ZZZ3: variants seen among roughly 807,000 people sequenced by gnomAD.
The protein encoded by ZZZ3 is zinc finger ZZ-type containing 3.
Under a neutral mutation model 95.2 loss-of-function variants are expected in ZZZ3, and 22 were observed. The observed-to-expected ratio is 0.23, with a 90% CI of 0.17 to 0.33. The LOEUF (loss-of-function observed/expected upper bound fraction) is 0.33, where lower values mean the gene tolerates loss of function less well. Ranked by LOEUF, ZZZ3 falls within the 10% of genes least tolerant of loss-of-function variation. The probability of loss-of-function intolerance (pLI) is 1.00; values close to 1 mark genes in which losing one functional copy is unlikely to be tolerated. For missense variants in ZZZ3, 885 were observed against 1,066.5 expected, an observed-to-expected ratio of 0.83 and a Z score of 2.37; for synonymous variants, 335 against 358.9, an observed-to-expected ratio of 0.93 and a Z score of 0.75.
intron 5 of ZZZ3, among the ~76,000 whole-genome samples, chr1:77,620,874 G>A (rs926160860): frequency 6.6e-6 from 1 of 152,120 alleles, no homozygotes; most frequent in African/African-American, 2.4e-5. Flanking sequence ...TGCAAAGGAA[G>A]AACAAAGCCA....
At chr1:77,613,901 C>A (rs1196572642) in intron 5 of ZZZ3, among the ~76,000 whole-genome samples, 1 of 152,100 alleles carries the variant, frequency 6.6e-6, no homozygotes, top group Admixed American at 6.6e-5. Flanking sequence ...GGCCCTTAGA[C>A]TGAATGCCAC....
Position 77,632,923 on chromosome 1 carries a change from T to C in ZZZ3, c.432A>G (p.Val144=). ...TGTCCACTACTGTACTCCTCTGTTC[T>C]ACTGACTCCTTGTCTGATTTTATAG... ...DSPIKSDKES[V]EQRSTVVDND... is the part of the protein sequence containing the mutation. Residue 144 remains valine, a synonymous_variant, in exon 5 of 15, where the codon GTA becomes GTG. Transcript: ENST00000370801. 2 of 1,614,202 alleles carry C rather than the reference T, an allele frequency of 1.2e-6. No homozygotes were observed. Among genetic ancestry groups the C allele is most frequent in the Non-Finnish European group, 1.7e-6 (2 of 1,180,022 alleles).
chr1:77,682,727 C>T (rs990825767), upstream of ZZZ3: 1 of 152,196 alleles, frequency 6.6e-6, no homozygotes, highest in African/African-American at 2.4e-5. Flanking sequence ...TCCACTAGAC[C>T]CAACATGGCG....
intron 5 of ZZZ3, among the ~76,000 whole-genome samples, chr1:77,589,412 TTTTATTTATTTATTTATTTATTTATTTA>T (rs71244406): frequency 1.9e-4 from 28 of 144,564 alleles, no homozygotes; most frequent in African/African-American, 7.1e-4. Flanking sequence ...TGGAGGTTGA[TTTTATTTATTTATTTATTTATTTATTTA>T]TTTATTTATT....
At chr1:77,586,594 TAAA>T (rs113201262) in intron 5 of ZZZ3, among the ~76,000 whole-genome samples, 3 of 151,698 alleles carry the variant, frequency 2.0e-5, no homozygotes, top group Admixed American at 2.0e-4. Context: ...AAATCTGACT[TAAA>T]AAAAAATTCC....
Position 77,564,381 on chromosome 1 carries a change from G to T in ZZZ3, c.*1259C>A, listed in dbSNP as rs557557863. The T allele has an allele frequency of 1.6e-4, 25 of 151,910 alleles. No individual in the cohort carries two copies. Among genetic ancestry groups the T allele is most frequent in the African/African-American group, 6.0e-4 (25 of 41,406 alleles). 9.4% of individuals were successfully genotyped at this position (151,910 alleles called of 1,614,324 possible). ...AATACATTCCTTATTCTTCATAAAT[G>T]ACAGAAAGAAAACTCTTAAATATGT... On this transcript the variant is annotated 3_prime_UTR_variant, in exon 15 of 15. Transcript: ENST00000370801.
chr1:77,593,383 C>G (rs1044611436), intron 5 of ZZZ3, among the ~76,000 whole-genome samples: 4 of 152,078 alleles, frequency 2.6e-5, no homozygotes, highest in African/African-American at 9.7e-5. Context: ...AAATGGACAT[C>G]TATTTATATA....
chr1:77,622,211 G>A (rs1666942058), intron 5 of ZZZ3, among the ~76,000 whole-genome samples: 1 of 151,822 alleles, frequency 6.6e-6, no homozygotes, highest in Non-Finnish European at 1.5e-5. Context: ...GGCAGCTGAG[G>A]TGGGAGGATT....
chr1:77,589,415 TA>T (rs1663434543), intron 5 of ZZZ3, among the ~76,000 whole-genome samples: 1 of 52,444 alleles, frequency 1.9e-5, no homozygotes, highest in Non-Finnish European at 4.6e-5. Flanking sequence ...AGGTTGATTT[TA>T]TTTATTTATT....
intron 5 of ZZZ3, among the ~76,000 whole-genome samples, chr1:77,608,898 T>C (rs147378621): frequency 8.8e-4 from 134 of 151,820 alleles, no homozygotes; most frequent in African/African-American, 3.1e-3. Context: ...ATATAACACA[T>C]ACACAAAAAA....
chr1:77,584,676 A>C (rs772387746), intron 5 of ZZZ3, 21 bp from the exon 6 acceptor site: 2 of 1,529,182 alleles, frequency 1.3e-6, no homozygotes, highest in Admixed American at 4.6e-5. Context: ...AAAGAAAAAT[A>C]TTTCACAAAA....
chr1:77,570,013 G>C (rs1451256991), intron 12 of ZZZ3, among the ~76,000 whole-genome samples: 1 of 152,130 alleles, frequency 6.6e-6, no homozygotes, highest in Non-Finnish European at 1.5e-5. Flanking sequence ...GCTACATTAG[G>C]TATTAAGTGC....
intron 9 of ZZZ3, 124 bp from the exon 10 acceptor site, chr1:77,579,752 G>C: frequency 1.8e-6 from 1 of 557,562 alleles, no homozygotes; most frequent in East Asian, 3.7e-5. Context: ...TGGGGGTTAC[G>C]TAATTAGAAA....
chr1:77,652,203 A>G (rs148285471), intron 1 of ZZZ3, among the ~76,000 whole-genome samples: 209 of 152,328 alleles, frequency 1.4e-3, no homozygotes, highest in African/African-American at 4.9e-3. Flanking sequence ...ATAGAATGGG[A>G]GAAAATATTT....
At chr1:77,626,400 A>C (rs1667339829) in intron 5 of ZZZ3, among the ~76,000 whole-genome samples, 1 of 151,766 alleles carries the variant, frequency 6.6e-6, no homozygotes, top group African/African-American at 2.4e-5. Flanking sequence ...AATCAGTGGG[A>C]GCCCTAAGCT....
At chr1:77,569,579 C>T (rs1661166859) in intron 12 of ZZZ3, among the ~76,000 whole-genome samples, 1 of 152,096 alleles carries the variant, frequency 6.6e-6, no homozygotes, top group South Asian at 2.1e-4. Flanking sequence ...CACAGATGCC[C>T]AACTCGCTAT....
chr1:77,587,130 C>T (rs544347071), intron 5 of ZZZ3, among the ~76,000 whole-genome samples: 10 of 152,214 alleles, frequency 6.6e-5, no homozygotes, highest in African/African-American at 2.2e-4. Context: ...AGTACAAATA[C>T]GGCTGGATTG....
At chr1:77,571,528 C>A (rs375954876) in intron 12 of ZZZ3, among the ~76,000 whole-genome samples, 1 of 152,120 alleles carries the variant, frequency 6.6e-6, no homozygotes, top group African/African-American at 2.4e-5. Context: ...GTGGAAGCAA[C>A]CCAAGTATCC....
intron 5 of ZZZ3, among the ~76,000 whole-genome samples, chr1:77,604,523 C>A (rs1463506329): frequency 6.6e-6 from 1 of 152,140 alleles, no homozygotes; most frequent in Non-Finnish European, 1.5e-5. Context: ...GCAAGAATTA[C>A]CAGCATCATC....
Sources: gnomAD v4.1 joint callset for allele counts (sites outside exome capture counted in the v4.1 genomes callset) on GRCh38, gnomAD v4.1.1 for gene constraint, MANE v1.5 for transcripts, NCBI Gene and HGNC (gene_info 2026-07-23, HGNC 2026-07-21) for gene names.